The following SH3PXD2A variants were observed in gnomAD, a reference collection of about 807,000 sequenced individuals.
SH3PXD2A encodes the protein SH3 and PX domain-containing protein 2A.
SH3PXD2A carries 32 observed loss-of-function variants against 115.2 expected under a neutral mutation model. The ratio of observed to expected loss-of-function variants is 0.28; its 90% CI spans 0.21 to 0.37. SH3PXD2A has a LOEUF of 0.37. Among genes scored for constraint, SH3PXD2A ranks in the 10% least tolerant of loss-of-function variants. The pLI, the probability that SH3PXD2A is intolerant of heterozygous loss-of-function variation, is 1.00. For missense variants in SH3PXD2A, 1,328 were observed against 1,498.7 expected (o/e 0.89, Z 1.88); for synonymous variants, 610 against 629.1 (o/e 0.97, Z 0.45).
At chr10:103,643,494 G>A (rs1393662898) in intron 8 of SH3PXD2A, among the ~76,000 whole-genome samples, 6 of 152,132 alleles carry the variant, frequency 3.9e-5, no homozygotes, top group Non-Finnish European at 8.8e-5. Context: ...GGGAGATTCC[G>A]GAAAAACACA....
intron 3 of SH3PXD2A, among the ~76,000 whole-genome samples, chr10:103,755,984 C>T (rs1191673257): frequency 6.6e-6 from 1 of 152,222 alleles, no homozygotes; most frequent in African/African-American, 2.4e-5. Context: ...CCCCCACCCT[C>T]CACATTTGCC....
chr10:103,670,350 C>G (rs1324868595), intron 6 of SH3PXD2A, among the ~76,000 whole-genome samples: 1 of 152,162 alleles, frequency 6.6e-6, no homozygotes, highest in Non-Finnish European at 1.5e-5. Flanking sequence ...ATATACTTAC[C>G]TTCTGGGTTG....
chr10:103,714,050 T>C (rs147453598), intron 5 of SH3PXD2A, among the ~76,000 whole-genome samples: 39 of 152,298 alleles, frequency 2.6e-4, no homozygotes, highest in Middle Eastern at 3.4e-3. Flanking sequence ...ACCCAGGTTC[T>C]AGGTTCAGTT....
intron 1 of SH3PXD2A, among the ~76,000 whole-genome samples, chr10:103,846,314 G>T (rs142394586): frequency 7.0e-6 from 1 of 143,786 alleles, no homozygotes; most frequent in Non-Finnish European, 1.6e-5. Flanking sequence ...GGGAGAGATG[G>T]GACTGGGAAT....
intron 5 of SH3PXD2A, among the ~76,000 whole-genome samples, chr10:103,719,721 C>CTTTTTTTTTTTTTTTTTT (rs11438501): frequency 8.7e-6 from 1 of 114,716 alleles, no homozygotes; most frequent in Non-Finnish European, 1.7e-5. Flanking sequence ...TTTTTTCTTT[C>CTTTTTTTTTTTTTTTTTT]TTTTTTTTTT....
chr10:103,776,296 G>C (rs983031305), intron 2 of SH3PXD2A, among the ~76,000 whole-genome samples: 6 of 151,964 alleles, frequency 3.9e-5, no homozygotes, highest in African/African-American at 1.5e-4. Context: ...GGGACACTGG[G>C]GAGGGAGGAT....
At chr10:103,638,759 A>G (rs1490286436) in intron 8 of SH3PXD2A, among the ~76,000 whole-genome samples, 2 of 152,268 alleles carry the variant, frequency 1.3e-5, no homozygotes, top group Non-Finnish European at 2.9e-5. Flanking sequence ...TCAGACGAGC[A>G]CAAGTCGCAA....
chr10:103,801,427 T>C (rs1564892480), intron 1 of SH3PXD2A, 65 bp from the exon 2 acceptor site: 13 of 990,014 alleles, frequency 1.3e-5, no homozygotes, highest in South Asian at 5.2e-5. Context: ...CCAGGCATCA[T>C]GTAACATGAC....
chr10:103,618,316 G>A (rs2036550932), intron 10 of SH3PXD2A, among the ~76,000 whole-genome samples: 1 of 152,212 alleles, frequency 6.6e-6, no homozygotes, highest in Non-Finnish European at 1.5e-5. Context: ...CCAGGAGGGT[G>A]TTTCTTCCAT....
intron 5 of SH3PXD2A, among the ~76,000 whole-genome samples, chr10:103,716,628 C>T (rs1268139350): frequency 6.6e-6 from 1 of 152,128 alleles, no homozygotes; most frequent in Non-Finnish European, 1.5e-5. Context: ...ACTATGTGTC[C>T]CATCGTGGGT....
chr10:103,612,938 G>A lies in SH3PXD2A; in HGVS notation c.1173C>T (p.Ala391=), dbSNP rs578149053. 20 of 1,613,990 alleles carry A rather than the reference G, an allele frequency of 1.2e-5. No individual in the cohort carries two copies. The highest frequency in any genetic ancestry group is 9.9e-5 in the South Asian group (9 of 91,054). The change falls in exon 12 of 15, where the codon GCC becomes GCT. Residue 391 remains alanine (A), a synonymous_variant. Coordinates refer to ENST00000369774, the MANE Select transcript of SH3PXD2A (RefSeq NM_001394015.1). Reference sequence around the variant, plus strand: ...AGACAGTCCTGTCAGGAACGCCCACGGCACTGCCATTGGAGGCATTGCAGA... The same window carrying A: ...AGACAGTCCTGTCAGGAACGCCCACAGCACTGCCATTGGAGGCATTGCAGA... ...PILCNASNGS[A]VGVPDRTVSR...
Position 103,668,497 on chromosome 10 carries a change from C to T in SH3PXD2A, c.472+111G>A, listed in dbSNP as rs2037413430. The stretch of plus-strand genomic sequence containing the variant: ...GCAGACCCCCTGCCATGCTGGCAAA[C>T]AGCTGCTGCACATCACAGGGAAGCA... On this transcript the variant is annotated intron_variant, in intron 7 of 14. Transcript: ENST00000369774. The T allele has an allele frequency of 7.3e-6, 7 of 952,980 alleles. No homozygotes were observed. In the South Asian group the frequency reaches 1.0e-4, roughly 14 times the overall value. The allele number at this position is 952,980 out of a possible 1,614,324, so 59.0% of individuals were successfully genotyped here. A position where few individuals can be genotyped will look rare whatever the true frequency, so the allele number is the denominator to read the frequency against.
In SH3PXD2A at chr10:103,615,708, C is replaced by T. The variant is rs1033325824; in HGVS notation, c.920+1489G>A. 1.2e-4 allele frequency among the ~76,000 whole-genome samples: 18 copies of T among 151,868 alleles called. 1 individual carries two copies. The highest frequency in any genetic ancestry group is 1.7e-4 in the African/African-American group (7 of 41,310). ...TAAGACTAGGCCATGGGGATAGGAG[C>T]GGACTAGAAGCAGCTCAGAGTGACT... On this transcript the variant is annotated intron_variant, in intron 11 of 14. Transcript: ENST00000369774.
At chr10:103,730,194 TTC>T (rs1380059951) in intron 4 of SH3PXD2A, among the ~76,000 whole-genome samples, 2 of 151,876 alleles carry the variant, frequency 1.3e-5, no homozygotes, top group South Asian at 2.1e-4. Flanking sequence ...GATCAATTGC[TTC>T]TCTCTTTTCA....
intron 6 of SH3PXD2A, among the ~76,000 whole-genome samples, chr10:103,677,081 C>A (rs149870715): frequency 1.3e-5 from 2 of 152,318 alleles, no homozygotes; most frequent in Middle Eastern, 3.4e-3. Flanking sequence ...CTGAGAGCCG[C>A]GAGTGAGTGA....
At chr10:103,842,962 A>G (rs2039614805) in intron 1 of SH3PXD2A, among the ~76,000 whole-genome samples, 1 of 152,208 alleles carries the variant, frequency 6.6e-6, no homozygotes, top group Non-Finnish European at 1.5e-5. Context: ...TTAACATTAT[A>G]AAAATTCGTA....
intron 6 of SH3PXD2A, among the ~76,000 whole-genome samples, chr10:103,688,290 G>A (rs1407705265): frequency 1.3e-5 from 2 of 152,178 alleles, no homozygotes; most frequent in Admixed American, 1.3e-4. Context: ...CCTGCACAAG[G>A]TTCACTCATT....
At chr10:103,698,936 C>T (rs1008181054) in intron 5 of SH3PXD2A, among the ~76,000 whole-genome samples, 2 of 152,028 alleles carry the variant, frequency 1.3e-5, no homozygotes, top group Non-Finnish European at 2.9e-5. Flanking sequence ...GAGCAAGCAG[C>T]TCCAAACAGT....
At chr10:103,828,532 T>C (rs2039453291) in intron 1 of SH3PXD2A, among the ~76,000 whole-genome samples, 1 of 152,132 alleles carries the variant, frequency 6.6e-6, no homozygotes, top group African/African-American at 2.4e-5. Context: ...CCTACAGACT[T>C]TTCAGGCTTC....
Sources: gnomAD v4.1 joint callset for allele counts (sites outside exome capture counted in the v4.1 genomes callset) on GRCh38, gnomAD v4.1.1 for gene constraint, MANE v1.5 for transcripts, NCBI Gene and HGNC (gene_info 2026-07-23, HGNC 2026-07-21) for gene names.